GPC5: variants seen among roughly 807,000 people sequenced by gnomAD.
The protein encoded by GPC5 is glypican 5, also known as glypican-5.
Under a neutral mutation model 53.9 loss-of-function variants are expected in GPC5, and 47 were observed. The observed-to-expected ratio is 0.87, with a 90% CI of 0.69 to 1.11. The LOEUF is 1.11. GPC5 is among the 50% of genes most tolerant of loss of function. The pLI is 0.00. For missense variants in GPC5, 748 were observed against 713.1 expected (o/e 1.05, Z -0.56); for synonymous variants, 286 against 263.3 (o/e 1.09, Z -0.84).
chr13:91,715,587 C>G (rs956563574), intron 3 of GPC5, among the ~76,000 whole-genome samples: 2 of 152,118 alleles, frequency 1.3e-5, no homozygotes. Flanking sequence ...TCTCTGTCAG[C>G]ATCCACCATT....
Position 91,993,141 on chromosome 13 carries a change from G to C in GPC5, c.1401+85084G>C, listed in dbSNP as rs549950050. ...CATGTACCTTTGTTCTTTGCAGTTT[G>C]AGCTAAAATATATATTTGAAGTGAA... On this transcript the variant is annotated intron_variant, in intron 6 of 7. Transcript: ENST00000377067. Among the ~76,000 whole-genome samples the C allele has an allele frequency of 2.0e-5, 3 of 152,244 alleles. No individual in the cohort carries two copies. In the South Asian group the frequency reaches 6.2e-4, roughly 32 times the overall value.
chr13:91,562,979 T>C (rs1177941282), intron 2 of GPC5, among the ~76,000 whole-genome samples: 5 of 152,246 alleles, frequency 3.3e-5, no homozygotes, highest in Admixed American at 2.0e-4. Flanking sequence ...TTTTGCCATT[T>C]AAAGTAATTT....
At chr13:92,124,890 C>T (rs775980248) in intron 6 of GPC5, among the ~76,000 whole-genome samples, 13 of 152,180 alleles carry the variant, frequency 8.5e-5, no homozygotes, top group Non-Finnish European at 1.3e-4. Flanking sequence ...TCTGATTCCA[C>T]CTCCCGGTAT....
intron 7 of GPC5, among the ~76,000 whole-genome samples, chr13:92,799,634 C>G (rs1269420629): frequency 1.3e-5 from 2 of 151,858 alleles, no homozygotes; most frequent in East Asian, 3.9e-4. Context: ...TCAGAGGAGT[C>G]TTTTCTGTGG....
chr13:91,697,394 G>A (rs2035901876), intron 3 of GPC5, among the ~76,000 whole-genome samples: 1 of 152,104 alleles, frequency 6.6e-6, no homozygotes, highest in Non-Finnish European at 1.5e-5. Context: ...GCCCGCCTTG[G>A]CCTCCCAAAG....
intron 7 of GPC5, among the ~76,000 whole-genome samples, chr13:92,709,213 A>ATT (rs879838843): frequency 1.6e-4 from 22 of 135,564 alleles, no homozygotes; most frequent in African/African-American, 5.7e-4. Context: ...CGCCCAGCTA[A>ATT]TTTTTTTTTT....
intron 7 of GPC5, among the ~76,000 whole-genome samples, chr13:92,750,271 T>TGTC (rs1318701283): frequency 6.6e-6 from 1 of 152,220 alleles, no homozygotes; most frequent in Non-Finnish European, 1.5e-5. Flanking sequence ...AAACTGATTA[T>TGTC]GTCTTCAATC....
chr13:92,122,974 A>G (rs182397755), intron 6 of GPC5, among the ~76,000 whole-genome samples: 1 of 152,096 alleles, frequency 6.6e-6, no homozygotes. Flanking sequence ...TTCCAATCAC[A>G]TTGATCCTGC....
chr13:91,952,937 A>T (rs1490210885), intron 6 of GPC5, among the ~76,000 whole-genome samples: 1 of 152,144 alleles, frequency 6.6e-6, no homozygotes, highest in African/African-American at 2.4e-5. Flanking sequence ...AATTTAGAGG[A>T]TAAATTGGAT....
intron 7 of GPC5, among the ~76,000 whole-genome samples, chr13:92,421,441 T>A (rs1231448650): frequency 6.6e-6 from 1 of 152,130 alleles, no homozygotes; most frequent in Non-Finnish European, 1.5e-5. Flanking sequence ...GGCTCACGCC[T>A]GTAATCCCAG....
chr13:92,352,071 G>T (rs1469531985), intron 7 of GPC5, among the ~76,000 whole-genome samples: 2 of 152,122 alleles, frequency 1.3e-5, no homozygotes, highest in Non-Finnish European at 2.9e-5. Flanking sequence ...CTTGAGCTTT[G>T]GTTATTCAGT....
At chr13:92,427,541 T>C (rs1291211823) in intron 7 of GPC5, among the ~76,000 whole-genome samples, 1 of 151,914 alleles carries the variant, frequency 6.6e-6, no homozygotes, top group Non-Finnish European at 1.5e-5. Flanking sequence ...CGTTACTCTA[T>C]TGCTTCTGAT....
chr13:92,007,419 G>C (rs935634392), intron 6 of GPC5, among the ~76,000 whole-genome samples: 4 of 152,026 alleles, frequency 2.6e-5, no homozygotes, highest in African/African-American at 7.2e-5. Flanking sequence ...GTTCATACAC[G>C]TTTAGGATTG....
chr13:92,316,586 T>C (rs2043180977), intron 7 of GPC5, among the ~76,000 whole-genome samples: 1 of 152,136 alleles, frequency 6.6e-6, no homozygotes. Flanking sequence ...TTCTGCCTAT[T>C]AATTTTACTG....
chr13:92,256,184 A>T (rs1450945991), intron 7 of GPC5, among the ~76,000 whole-genome samples: 1 of 151,800 alleles, frequency 6.6e-6, no homozygotes, highest in African/African-American at 2.4e-5. Context: ...ATATAAATAT[A>T]TAACTATTTT....
chr13:92,385,457 T>C (rs1360249193), intron 7 of GPC5, among the ~76,000 whole-genome samples: 7 of 130,718 alleles, frequency 5.4e-5, no homozygotes, highest in East Asian at 2.3e-4. Context: ...TATATACATA[T>C]ATACACATAT....
At chr13:92,756,545 C>T (rs1307488605) in intron 7 of GPC5, among the ~76,000 whole-genome samples, 1 of 151,882 alleles carries the variant, frequency 6.6e-6, no homozygotes, top group Non-Finnish European at 1.5e-5. Flanking sequence ...CAAATTGTCC[C>T]TGTTTGCAGA....
At chr13:91,487,151 A>G (rs1220878658) in intron 2 of GPC5, among the ~76,000 whole-genome samples, 2 of 152,202 alleles carry the variant, frequency 1.3e-5, no homozygotes, top group Non-Finnish European at 2.9e-5. Flanking sequence ...GAGAGAAAGC[A>G]TACAAAATTT....
chr13:92,550,467 C>T (rs1384081813), intron 7 of GPC5, among the ~76,000 whole-genome samples: 1 of 151,718 alleles, frequency 6.6e-6, no homozygotes, highest in Non-Finnish European at 1.5e-5. Context: ...TTAATTTTAT[C>T]AAATTACAGA....
Sources: allele counts gnomAD v4.1 joint callset (sites outside exome capture counted in the v4.1 genomes callset), GRCh38; gene constraint gnomAD v4.1.1; transcripts MANE v1.5; gene names NCBI Gene and HGNC (gene_info 2026-07-23, HGNC 2026-07-21).